MGA: variants seen among roughly 807,000 people sequenced by gnomAD.
The protein encoded by MGA is MAX gene-associated protein.
In MGA, 40 loss-of-function variants were observed where a neutral mutation model predicts 261.1. The ratio of observed to expected loss-of-function variants is 0.15; its 90% confidence interval spans 0.12 to 0.20. The LOEUF (loss-of-function observed/expected upper bound fraction) is 0.20, where lower values mean the gene tolerates loss of function less well. Among genes scored for constraint, MGA ranks in the 10% least tolerant of loss-of-function variants. The pLI, the probability that MGA is intolerant of heterozygous loss-of-function variation, is 1.00. For synonymous variants in MGA, 1,302 were observed against 1,290.6 expected (o/e 1.01, Z -0.19); for missense variants, 3,397 against 3,630.5 (o/e 0.94, Z 1.65).
intron 9 of MGA, among the ~76,000 whole-genome samples, chr15:41,720,258 G>C (rs958207517): frequency 6.6e-6 from 1 of 152,168 alleles, no homozygotes; most frequent in African/African-American, 2.4e-5. Context: ...CTACAGGCTG[G>C]GTGCTGTGGC....
At chr15:41,624,836 GTT>G (rs1284345815) in intron 1 of MGA, among the ~76,000 whole-genome samples, 1 of 152,120 alleles carries the variant, frequency 6.6e-6, no homozygotes, top group Non-Finnish European at 1.5e-5. Context: ...TGGGAAAACA[GTT>G]TTCCAGTCTT....
rs1277306010 is a variant in MGA, at chr15:41,621,578, C to G, written c.-68+280C>G. On this transcript the variant is annotated intron_variant, in intron 1 of 8. Transcript: ENST00000566718. ...GAGCGGCGCGTGGGTCGGTTGCGGT[C>G]GGCCCCGGCAGGTATGCGCAGGCGC... is the stretch of plus-strand genomic sequence containing the variant. 2.0e-5 allele frequency: 3 copies of G among 152,380 alleles called. No homozygotes were observed. In the East Asian group the frequency reaches 5.8e-4, roughly 30 times the overall value. The allele number at this position is 152,380 out of a possible 1,614,324, so 9.4% of individuals were successfully genotyped here.
intron 2 of MGA, among the ~76,000 whole-genome samples, chr15:41,695,624 A>G: frequency 6.6e-6 from 1 of 152,202 alleles, no homozygotes; most frequent in East Asian, 1.9e-4. Context: ...GGTCATACGT[A>G]TTTGCCTTTA....
intron 9 of MGA, among the ~76,000 whole-genome samples, chr15:41,726,418 A>G (rs1322456440): frequency 6.6e-6 from 1 of 152,166 alleles, no homozygotes; most frequent in African/African-American, 2.4e-5. Context: ...TTATTTAGGA[A>G]ATAAAGTGTG....
At chr15:41,641,742 C>G (rs969153717) in intron 1 of MGA, among the ~76,000 whole-genome samples, 1 of 151,944 alleles carries the variant, frequency 6.6e-6, no homozygotes, top group Non-Finnish European at 1.5e-5. Context: ...CCTGCTTTGG[C>G]CTCCCAAAGT....
intron 6 of MGA, 92 bp from the exon 7 acceptor site, chr15:41,708,012 A>T: frequency 7.4e-7 from 1 of 1,351,598 alleles, no homozygotes; most frequent in Non-Finnish European, 1.0e-6. Flanking sequence ...AGTGATTTAT[A>T]CACTTACCAA....
At chr15:41,683,424 G>T (rs2058778921) in intron 2 of MGA, among the ~76,000 whole-genome samples, 1 of 151,928 alleles carries the variant, frequency 6.6e-6, no homozygotes, top group African/African-American at 2.4e-5. Flanking sequence ...TAGATACAAG[G>T]TCTCACTGTG....
chr15:41,707,110 A>G (rs1200210502), intron 5 of MGA, among the ~76,000 whole-genome samples: 1 of 152,204 alleles, frequency 6.6e-6, no homozygotes, highest in African/African-American at 2.4e-5. Context: ...TGGACCACAA[A>G]GAGTTAAAGC....
In MGA at chr15:41,652,521, C is replaced by T. The variant is rs536496131; in HGVS notation, c.-67-16307C>T. ...CTAGGACTATAGGCATGCACCACCA[C>T]ACTCAGCTAATTAAATTTTTTTTTT... On this transcript the variant is annotated intron_variant, in intron 1 of 8. Transcript: ENST00000566718. Among the ~76,000 whole-genome samples, 19 of 151,694 alleles carry T rather than the reference C, an allele frequency of 1.3e-4. No homozygotes were observed. The East Asian group carries it at 3.5e-3, about 28-fold the overall frequency.
At position 41,713,171 on chromosome 15, in the gene MGA, T is replaced by A. The variant is rs1165143759; in HGVS notation, c.3105T>A (p.Pro1035=). The change falls in exon 9 of 24, where the codon CCT becomes CCA. Residue 1035 remains proline (P), a synonymous_variant. Transcript: ENST00000219905. ...TTTAGGCATCCCTCAAAACTAAACC[T>A]ATCCACACAATCATAAGGAAACGAG... The A allele has an allele frequency of 8.1e-6, 13 of 1,613,114 alleles. No homozygotes were observed. Among genetic ancestry groups the A allele is most frequent in the Non-Finnish European group, 1.0e-5 (12 of 1,179,764 alleles).
At chr15:41,637,331 T>C (rs558697389) in intron 1 of MGA, among the ~76,000 whole-genome samples, 1 of 152,324 alleles carries the variant, frequency 6.6e-6, no homozygotes, top group Non-Finnish European at 1.5e-5. Flanking sequence ...TCAGAGGGAA[T>C]GTTGGAAGTT....
chr15:41,699,071 A>G lies in MGA; in HGVS notation c.2100A>G (p.Arg700=). 1 of 1,610,762 alleles carries G rather than the reference A, an allele frequency of 6.2e-7. No homozygotes were observed. The highest frequency in any genetic ancestry group is 8.5e-7 in the Non-Finnish European group (1 of 1,178,314). Reference sequence around the variant, plus strand: ...TATTTATTTTGGGTGTAGGTTACAGAGCAAGAATTTCCCAGTTGGAAAAGG... The same window carrying G: ...TATTTATTTTGGGTGTAGGTTACAGGGCAAGAATTTCCCAGTTGGAAAAGG... Residue 700 remains arginine, a synonymous_variant, in exon 5 of 24, where the codon AGA becomes AGG. Transcript: ENST00000219905.
Position 41,698,993 on chromosome 15 carries a change from A to G in MGA, c.2092+52A>G, listed in dbSNP as rs1337185107. On this transcript the variant is annotated intron_variant, in intron 4 of 23. Transcript: ENST00000219905. Reference sequence around the variant, plus strand: ...TGTATTTGTGGTTTGGGCTCCAGCAATGAAACATGCAACATTCATTTGTCT... The same window carrying G: ...TGTATTTGTGGTTTGGGCTCCAGCAGTGAAACATGCAACATTCATTTGTCT... 2.6e-6 allele frequency: 4 copies of G among 1,546,190 alleles called. No homozygotes were observed. In the African/African-American group the frequency reaches 5.5e-5, roughly 21 times the overall value.
Position 41,699,172 on chromosome 15 carries a change from C to T in MGA, c.2188+13C>T, listed in dbSNP as rs1338028231. ...GGTCTTCAAGAAGGTAATAGACTAGCGACTTCTTTTTTTTTGTTTTCTTTT... is the reference window on the plus strand; with the variant it reads ...GGTCTTCAAGAAGGTAATAGACTAGTGACTTCTTTTTTTTTGTTTTCTTTT... On this transcript the variant is annotated intron_variant, in intron 5 of 23. Transcript: ENST00000219905. 3.3e-6 allele frequency: 5 copies of T among 1,503,684 alleles called. No homozygotes were observed. Among genetic ancestry groups the T allele is most frequent in the South Asian group, 1.3e-5 (1 of 77,192 alleles). The allele number at this position is 1,503,684 out of a possible 1,614,324, so 93.1% of individuals were successfully genotyped here. A position where few individuals can be genotyped will look rare whatever the true frequency, so the allele number is the denominator to read the frequency against.
chr15:41,766,833 A>G lies in MGA; in HGVS notation c.8751A>G (p.Ala2917=). Residue 2917 remains alanine (A), a synonymous_variant, in exon 24 of 24, where the codon GCA becomes GCG. Coordinates refer to ENST00000219905, the MANE Select transcript of MGA (RefSeq NM_001164273.2). The stretch of plus-strand genomic sequence containing the variant: ...TTTCTGAGAATGAAAAACAACTTGC[A>G]GAACCAGCCTCTGAGCCAGATGTCC... The G allele has an allele frequency of 6.2e-7, 1 of 1,614,036 alleles. No individual in the cohort carries two copies. The highest frequency in any genetic ancestry group is 8.5e-7 in the Non-Finnish European group (1 of 1,179,892).
At chr15:41,759,090 A>T (rs1055793109) in intron 19 of MGA, among the ~76,000 whole-genome samples, 1 of 152,192 alleles carries the variant, frequency 6.6e-6, no homozygotes, top group Admixed American at 6.5e-5. Flanking sequence ...CCCTCATTTT[A>T]CAAAGTAGAA....
At chr15:41,698,108 G>C (rs1017465802) in intron 3 of MGA, among the ~76,000 whole-genome samples, 3 of 146,906 alleles carry the variant, frequency 2.0e-5, no homozygotes, top group Non-Finnish European at 4.5e-5. Context: ...CTGGCCTCGT[G>C]ATCCTCCTGC....
intron 9 of MGA, among the ~76,000 whole-genome samples, chr15:41,717,912 A>C (rs1055763088): frequency 6.6e-6 from 1 of 152,006 alleles, no homozygotes; most frequent in African/African-American, 2.4e-5. Flanking sequence ...GTATCCTAGA[A>C]GTGTGGGATT....
Position 41,729,271 on chromosome 15 carries a change from TTCC to T in MGA, c.3775_3777del (p.Ser1259del), listed in dbSNP as rs758651564. The T allele has an allele frequency of 3.1e-6, 5 of 1,613,872 alleles. No individual in the cohort carries two copies. The highest frequency in any genetic ancestry group is 4.2e-6 in the Non-Finnish European group (5 of 1,179,846). ...AAAAAGAGGACCAGAGACAACCATC[TTCC>T]TCCTCCTCCCCATCTCCATCATTTC... On this transcript the variant is annotated inframe_deletion, in exon 11 of 24. Transcript: ENST00000219905.
Sources: allele counts gnomAD v4.1 joint callset (sites outside exome capture counted in the v4.1 genomes callset), GRCh38; gene constraint gnomAD v4.1.1; transcripts MANE v1.5; gene names NCBI Gene and HGNC (gene_info 2026-07-23, HGNC 2026-07-21).